PLB1: variants seen among roughly 807,000 people sequenced by gnomAD.
PLB1 encodes the protein phospholipase B1, also known as phospholipase B1, membrane-associated.
In PLB1, 242 loss-of-function variants were observed where a neutral mutation model predicts 227.4. The ratio of observed to expected loss-of-function variants is 1.06; its 90% CI spans 0.96 to 1.18. The LOEUF is 1.18. PLB1 is among the 50% of genes most tolerant of loss of function. PLB1 has a pLI of 0.00. For missense variants in PLB1, 1,858 were observed against 1,816.3 expected (o/e 1.02, Z -0.42); for synonymous variants, 757 against 682.2 (o/e 1.11, Z -1.71).
At chr2:28,498,860 G>A (rs1374895345) in intron 1 of PLB1, among the ~76,000 whole-genome samples, 2 of 152,102 alleles carry the variant, frequency 1.3e-5, no homozygotes, top group Non-Finnish European at 2.9e-5. Flanking sequence ...TGTACTATCA[G>A]CTTGGCAATT....
intron 23 of PLB1, among the ~76,000 whole-genome samples, chr2:28,581,241 C>T (rs1007442091): frequency 2.5e-4 from 38 of 152,092 alleles, no homozygotes; most frequent in African/African-American, 9.2e-4. Flanking sequence ...CGCTCTTCCC[C>T]TCTTCCCCTC....
At chr2:28,572,790 T>C (rs900212752) in intron 20 of PLB1, among the ~76,000 whole-genome samples, 4 of 152,316 alleles carry the variant, frequency 2.6e-5, no homozygotes, top group Admixed American at 2.6e-4. Flanking sequence ...GGTTTCTTTC[T>C]GGGGTGATGA....
intron 14 of PLB1, chr2:28,548,484 A>T (rs1425241503): frequency 2.2e-6 from 1 of 458,446 alleles, no homozygotes; most frequent in Non-Finnish European, 4.5e-6. Flanking sequence ...GATGCAGGAC[A>T]CCAATGTTGG....
At position 28,518,451 on chromosome 2, in the gene PLB1, C is replaced by T. The variant is rs758076869; in HGVS notation, c.118-15C>T. On this transcript the variant is annotated splice_polypyrimidine_tract_variant and intron_variant, in intron 2 of 57. Transcript: ENST00000327757. The stretch of plus-strand genomic sequence containing the variant: ...CAAGGCAGTTGATGTTTCTGATGTT[C>T]GTTTTCAATTGCAGACCCTGAAGAA... The T allele has an allele frequency of 2.5e-6, 4 of 1,599,160 alleles. No individual in the cohort carries two copies. The highest frequency in any genetic ancestry group is 2.2e-5 in the South Asian group (2 of 90,698).
rs1448086251 is a variant in PLB1, at chr2:28,604,074, T to C, written c.2856+27T>C. The C allele has an allele frequency of 7.6e-6, 12 of 1,583,088 alleles. No individual in the cohort carries two copies. The Admixed American group carries it at 2.0e-4, about 26-fold the overall frequency. ...TAAGACCAAGAAGGGCACCATGCTG[T>C]GTCCTCTCCCCTACGTTCACTCTAA... is the stretch of plus-strand genomic sequence containing the variant. On this transcript the variant is annotated intron_variant, in intron 40 of 57. Coordinates refer to ENST00000327757, the MANE Select transcript of PLB1 (RefSeq NM_153021.5).
At chr2:28,560,449 T>G (rs941443799) in intron 17 of PLB1, among the ~76,000 whole-genome samples, 1 of 152,192 alleles carries the variant, frequency 6.6e-6, no homozygotes, top group Non-Finnish European at 1.5e-5. Context: ...AGTACCTGTG[T>G]GTGTATGTGA....
At chr2:28,519,815 C>T in intron 4 of PLB1, 52 bp downstream of exon 4, 2 of 1,443,028 alleles carry the variant, frequency 1.4e-6, no homozygotes, top group Non-Finnish European at 9.7e-7. Flanking sequence ...TACTGATGAT[C>T]CTCTGAATGG....
chr2:28,561,352 A>G (rs1676037132), intron 17 of PLB1, among the ~76,000 whole-genome samples: 1 of 152,216 alleles, frequency 6.6e-6, no homozygotes, highest in Admixed American at 6.5e-5. Flanking sequence ...CAAGCTGTGG[A>G]AAACAGCTTG....
intron 14 of PLB1, 155 bp from the exon 15 acceptor site, chr2:28,548,705 T>A (rs2148218989): frequency 1.4e-6 from 1 of 721,796 alleles, no homozygotes; most frequent in Non-Finnish European, 2.5e-6. Flanking sequence ...CCCCAGAGTC[T>A]CAGACTCAGT....
At chr2:28,522,805 C>A (rs912307270) in intron 4 of PLB1, among the ~76,000 whole-genome samples, 2 of 152,210 alleles carry the variant, frequency 1.3e-5, no homozygotes, top group Admixed American at 1.3e-4. Flanking sequence ...CCTCGAACTT[C>A]AGGATAAAAA....
chr2:28,545,890 G>C (rs1295298854), intron 14 of PLB1, among the ~76,000 whole-genome samples: 1 of 152,130 alleles, frequency 6.6e-6, no homozygotes, highest in Non-Finnish European at 1.5e-5. Flanking sequence ...AGGGAGTCCA[G>C]GTCCATTACT....
At chr2:28,517,632 G>A (rs1669004892) in intron 2 of PLB1, among the ~76,000 whole-genome samples, 1 of 152,074 alleles carries the variant, frequency 6.6e-6, no homozygotes, top group South Asian at 2.1e-4. Flanking sequence ...ATGGTAAGTA[G>A]GTAAATATAG....
intron 45 of PLB1, 112 bp downstream of exon 45, chr2:28,617,899 T>C: frequency 4.6e-6 from 5 of 1,094,652 alleles, no homozygotes; most frequent in Non-Finnish European, 5.6e-6. Context: ...CTAATTCCCC[T>C]GCAGTGCAGA....
intron 7 of PLB1, 31 bp from the exon 8 acceptor site, chr2:28,529,697 A>G (rs568429453): frequency 1.2e-6 from 2 of 1,610,834 alleles, no homozygotes; most frequent in East Asian, 2.2e-5. Flanking sequence ...ATATTTAGCC[A>G]ATTTTTCTCT....
rs745987012 is a variant in PLB1 at position 28,539,079 on chromosome 2, C to T, written c.619-20C>T. The T allele has an allele frequency of 5.0e-6, 8 of 1,600,412 alleles. No homozygotes were observed. Among genetic ancestry groups the T allele is most frequent in the Non-Finnish European group, 6.9e-6 (8 of 1,167,358 alleles). Reference sequence around the variant, plus strand: ...GGCGACTTGGCAAATACTCACCTCCCTCTCTGTGTGTCCTCCTAGGTCCCC... The same window carrying T: ...GGCGACTTGGCAAATACTCACCTCCTTCTCTGTGTGTCCTCCTAGGTCCCC... On this transcript the variant is annotated intron_variant, in intron 10 of 57. Coordinates refer to ENST00000327757, the MANE Select transcript of PLB1 (RefSeq NM_153021.5).
chr2:28,636,019 A>ATGTGTATGTATGTG (rs1689279040), intron 56 of PLB1, among the ~76,000 whole-genome samples: 1 of 98,284 alleles, frequency 1.0e-5, no homozygotes. Context: ...GTATGTATGA[A>ATGTGTATGTATGTG]TGTGTGTGTA....
At position 28,509,880 on chromosome 2, in the gene PLB1, G is replaced by A. The variant is rs564566175; in HGVS notation, c.56-6928G>A. ...GGAACAGGCACTGTACCTGGTGAAA[G>A]CAGAGAAGTAGATTGACGGCCCATG... On this transcript the variant is annotated intron_variant, in intron 1 of 57. Coordinates refer to ENST00000327757, the MANE Select transcript of PLB1 (RefSeq NM_153021.5). Among the ~76,000 whole-genome samples, 4 of 152,332 alleles carry A rather than the reference G, an allele frequency of 2.6e-5. No homozygotes were observed. In the South Asian group the frequency reaches 8.3e-4, roughly 32 times the overall value.
chr2:28,518,627 C>T, intron 3 of PLB1, 95 bp downstream of exon 3: 1 of 857,946 alleles, frequency 1.2e-6, no homozygotes, highest in South Asian at 1.5e-5. Context: ...GGACCTGTTG[C>T]CCCTTCAAGT....
intron 20 of PLB1, among the ~76,000 whole-genome samples, chr2:28,570,506 C>T (rs1312870613): frequency 1.9e-5 from 2 of 107,206 alleles, no homozygotes; most frequent in Non-Finnish European, 5.2e-5. Context: ...TCAACAAAGG[C>T]CGGGCGCAGT....
Sources: allele counts gnomAD v4.1 joint callset (sites outside exome capture counted in the v4.1 genomes callset), GRCh38; gene constraint gnomAD v4.1.1; transcripts MANE v1.5; gene names NCBI Gene and HGNC (gene_info 2026-07-23, HGNC 2026-07-21).